LGSN: variants seen among roughly 807,000 people sequenced by gnomAD.
LGSN encodes lengsin.
LGSN carries 21 observed loss-of-function variants against 19.5 expected under a neutral mutation model. The ratio of observed to expected loss-of-function variants is 1.07; its 90% CI spans 0.76 to 1.55. LGSN has a LOEUF of 1.55. Ranked by LOEUF, LGSN falls within the 40% of genes most tolerant of loss-of-function variation. LGSN has a pLI of 0.00. For missense variants in LGSN, 673 were observed against 608.5 expected, an observed-to-expected ratio of 1.11 and a Z score of -1.12; for synonymous variants, 257 against 215.6, an observed-to-expected ratio of 1.19 and a Z score of -1.68.
chr6:63,329,526 C>T, the LGSN span, among the ~76,000 whole-genome samples: 180 of 152,310 alleles, frequency 1.2e-3, 1 homozygote, highest in African/African-American at 4.2e-3. Context: ...AAGCCTTGAG[C>T]CTTCAAATGT....
chr6:63,440,494 G>A, the LGSN span, among the ~76,000 whole-genome samples: 3 of 152,122 alleles, frequency 2.0e-5, no homozygotes, highest in African/African-American at 7.2e-5. Flanking sequence ...CGTGTATTGA[G>A]AACCCGGTTT....
chr6:63,460,801 A>T, the LGSN span, among the ~76,000 whole-genome samples: 1 of 152,168 alleles, frequency 6.6e-6, no homozygotes, highest in East Asian at 1.9e-4. Context: ...TGTTCTTCTG[A>T]ATATACTTTT....
chr6:63,326,111 C>T, the LGSN span, among the ~76,000 whole-genome samples: 1 of 152,020 alleles, frequency 6.6e-6, no homozygotes, highest in African/African-American at 2.4e-5. Flanking sequence ...AAAGGTTCTC[C>T]AAGGCCCCAC....
the LGSN span, among the ~76,000 whole-genome samples, chr6:63,418,978 C>T: frequency 0.12 from 17,596 of 152,112 alleles, 2,034 homozygotes; most frequent in African/African-American, 0.3. Flanking sequence ...TTCCTTTCCC[C>T]ACTGGGGTGG....
chr6:63,321,425 A>T (rs1769079342), upstream of LGSN, among the ~76,000 whole-genome samples: 1 of 152,214 alleles, frequency 6.6e-6, no homozygotes, highest in African/African-American at 2.4e-5. Context: ...TGTTTTAAAA[A>T]AATCATTCCT....
chr6:63,505,626 AAAGAAAGAAAT>A, the LGSN span, among the ~76,000 whole-genome samples: 1 of 130,688 alleles, frequency 7.7e-6, no homozygotes, highest in Non-Finnish European at 1.6e-5. Flanking sequence ...AGAAAGAAAG[AAAGAAAGAAAT>A]TCTGGCATTC....
At chr6:63,466,451 G>T in the LGSN span, among the ~76,000 whole-genome samples, 1 of 152,142 alleles carries the variant, frequency 6.6e-6, no homozygotes, top group African/African-American at 2.4e-5. Flanking sequence ...TGATCTGAAT[G>T]ACTTACATTT....
chr6:63,541,698 C>T, the LGSN span, among the ~76,000 whole-genome samples: 1 of 152,124 alleles, frequency 6.6e-6, no homozygotes, highest in Non-Finnish European at 1.5e-5. Context: ...ATCAGAAGGG[C>T]AAGCCCCTAC....
chr6:63,499,574 A>G, the LGSN span, among the ~76,000 whole-genome samples: 1 of 152,094 alleles, frequency 6.6e-6, no homozygotes, highest in East Asian at 1.9e-4. Flanking sequence ...TTTGAATAAG[A>G]GATAGTTCTT....
At chr6:63,481,299 CAACT>C in the LGSN span, among the ~76,000 whole-genome samples, 1 of 151,764 alleles carries the variant, frequency 6.6e-6, no homozygotes, top group Admixed American at 6.6e-5. Context: ...TCAGAATTCA[CAACT>C]ATCTAATTCA....
chr6:63,365,257 C>A, the LGSN span, among the ~76,000 whole-genome samples: 8 of 152,130 alleles, frequency 5.3e-5, no homozygotes, highest in Non-Finnish European at 8.8e-5. Flanking sequence ...AAGGGGATAT[C>A]ACCATCGATC....
chr6:63,513,938 A>C, the LGSN span, among the ~76,000 whole-genome samples: 2 of 147,064 alleles, frequency 1.4e-5, no homozygotes, highest in Non-Finnish European at 3.0e-5. Flanking sequence ...AAAAAAAAAC[A>C]CTGGAAAACA....
At chr6:63,371,693 A>T in the LGSN span, among the ~76,000 whole-genome samples, 2 of 152,212 alleles carry the variant, frequency 1.3e-5, no homozygotes, top group African/African-American at 4.8e-5. Context: ...ACATTTTCTT[A>T]GTATAAAGAG....
chr6:63,412,772 G>GGA, the LGSN span, among the ~76,000 whole-genome samples: 10 of 41,148 alleles, frequency 2.4e-4, no homozygotes, highest in Non-Finnish European at 3.1e-4. Context: ...AGAAAGAAAG[G>GGA]AAGGAAGGGA....
the LGSN span, among the ~76,000 whole-genome samples, chr6:63,555,823 A>T: frequency 6.6e-6 from 1 of 151,208 alleles, no homozygotes; most frequent in African/African-American, 2.4e-5. Context: ...TCTCCCAAGT[A>T]GCTGGAATTA....
chr6:63,424,018 C>T, the LGSN span, among the ~76,000 whole-genome samples: 6 of 151,994 alleles, frequency 3.9e-5, no homozygotes, highest in East Asian at 1.2e-3. Flanking sequence ...GCAGCCTGGG[C>T]AACAGAGCAA....
chr6:63,373,338 G>A, the LGSN span, among the ~76,000 whole-genome samples: 4 of 152,268 alleles, frequency 2.6e-5, no homozygotes, highest in East Asian at 3.9e-4. Context: ...ACCTGGTGAC[G>A]TCATGTTAAC....
chr6:63,353,401 G>T, the LGSN span, among the ~76,000 whole-genome samples: 1 of 151,962 alleles, frequency 6.6e-6, no homozygotes, highest in African/African-American at 2.4e-5. Flanking sequence ...GTGCCTTCCT[G>T]GATATGCTCA....
chr6:63,401,056 T>G, the LGSN span, among the ~76,000 whole-genome samples: 17,519 of 152,122 alleles, frequency 0.12, 2,011 homozygotes, highest in African/African-American at 0.3. Flanking sequence ...TAATATAATT[T>G]GACTTTTATA....
Sources: gnomAD v4.1 joint callset for allele counts (sites outside exome capture counted in the v4.1 genomes callset) on GRCh38, gnomAD v4.1.1 for gene constraint, MANE v1.5 for transcripts, NCBI Gene and HGNC (gene_info 2026-07-23, HGNC 2026-07-21) for gene names.